Variants in SLC7A5 observed in about 807,000 individuals in gnomAD.
SLC7A5 encodes the protein solute carrier family 7 member 5.
Under a neutral mutation model 50.2 loss-of-function variants are expected in SLC7A5, and 23 were observed. The ratio of observed to expected loss-of-function variants is 0.46; its 90% CI spans 0.33 to 0.65. SLC7A5 has a LOEUF of 0.65. SLC7A5 is among the 30% of genes least tolerant of loss of function. The pLI is 0.02. For synonymous variants in SLC7A5, 393 were observed against 330.6 expected (o/e 1.19, Z -2.05); for missense variants, 578 against 684.4 (o/e 0.84, Z 1.73).
chr16:87,856,432 C>T (rs765908011), intron 1 of SLC7A5, among the ~76,000 whole-genome samples: 11 of 152,230 alleles, frequency 7.2e-5, no homozygotes, highest in Middle Eastern at 3.2e-3. Context: ...CAGGGTGCAC[C>T]GGGCACAGCA....
chr16:87,836,486 C>T lies in SLC7A5; in HGVS notation c.1290+12G>A. 4.4e-6 allele frequency: 7 copies of T among 1,608,128 alleles called. No homozygotes were observed. The highest frequency in any genetic ancestry group is 5.9e-6 in the Non-Finnish European group (7 of 1,179,772). On this transcript the variant is annotated intron_variant, in intron 8 of 9. Coordinates refer to ENST00000261622, the MANE Select transcript of SLC7A5 (RefSeq NM_003486.7). ...GAAGGGTGCCTGGGTGAGCGGGAGGCCCCGGGCTCACCTTGATGGGCCGCT... is the reference window on the plus strand; with the variant it reads ...GAAGGGTGCCTGGGTGAGCGGGAGGTCCCGGGCTCACCTTGATGGGCCGCT...
intron 7 of SLC7A5, chr16:87,837,554 C>A: frequency 2.2e-6 from 1 of 452,426 alleles, no homozygotes; most frequent in South Asian, 2.6e-5. Flanking sequence ...TGGGCGCCCA[C>A]GGAGGTGCAG....
Position 87,869,268 on chromosome 16 carries a change from A to G in SLC7A5, c.155T>C (p.Leu52Pro), listed in dbSNP as rs527857683. ...EGVTLQRNITLLNGVAIIVGT... is the reference protein window; with the variant it reads ...EGVTLQRNITPLNGVAIIVGT... ...CACGATGATGGCCACGCCGTTGAGC[A>G]GCGTGATGTTCCGCTGCAGGGTCAC... The change falls in exon 1 of 10, where the codon CTG becomes CCG. Residue 52 changes from leucine (L) to proline (P), a missense_variant. By Grantham distance (98) the Leu-to-Pro change is moderately conservative. Transcript: ENST00000261622. 1.2e-6 allele frequency: 2 copies of G among 1,612,444 alleles called. No individual in the cohort carries two copies. The highest frequency in any genetic ancestry group is 2.2e-5 in the South Asian group (2 of 91,044).
intron 9 of SLC7A5, among the ~76,000 whole-genome samples, 189 bp downstream of exon 9, chr16:87,834,225 G>A (rs2054967892): frequency 6.6e-6 from 1 of 152,196 alleles, no homozygotes; most frequent in Admixed American, 6.5e-5. Context: ...AGATTAGCTG[G>A]TGCTGCGCTG....
intron 7 of SLC7A5, 38 bp downstream of exon 7, chr16:87,837,807 C>T: frequency 6.5e-7 from 1 of 1,544,424 alleles, no homozygotes; most frequent in Non-Finnish European, 8.8e-7. Flanking sequence ...CGGACAACCC[C>T]CAGGGATGTA....
At chr16:87,839,870 G>A in intron 4 of SLC7A5, 45 bp from the exon 5 acceptor site, 1 of 1,611,792 alleles carries the variant, frequency 6.2e-7, no homozygotes, top group Admixed American at 1.7e-5. Context: ...AGCCCGGGCT[G>A]AAGGCCAAAC....
chr16:87,848,883 G>T (rs1216684467), intron 2 of SLC7A5, among the ~76,000 whole-genome samples: 1 of 146,172 alleles, frequency 6.8e-6, no homozygotes, highest in Non-Finnish European at 1.5e-5. Context: ...CTGGGAAGGG[G>T]TGATTACAAA....
intron 7 of SLC7A5, 40 bp downstream of exon 7, chr16:87,837,805 C>G: frequency 6.5e-7 from 1 of 1,534,222 alleles, no homozygotes; most frequent in Non-Finnish European, 8.9e-7. Flanking sequence ...CCCGGACAAC[C>G]CCCAGGGATG....
intron 1 of SLC7A5, among the ~76,000 whole-genome samples, chr16:87,859,389 G>C (rs557364340): frequency 2.1e-4 from 32 of 152,314 alleles, no homozygotes; most frequent in African/African-American, 7.5e-4. Flanking sequence ...AGCAGCTCGA[G>C]AGCACAGGGA....
chr16:87,846,008 A>G (rs1224788653), intron 2 of SLC7A5, among the ~76,000 whole-genome samples: 1 of 152,206 alleles, frequency 6.6e-6, no homozygotes, highest in African/African-American at 2.4e-5. Flanking sequence ...CCCAGGACAC[A>G]CTGAGCTCCC....
intron 2 of SLC7A5, among the ~76,000 whole-genome samples, chr16:87,848,568 G>A (rs1421755580): frequency 1.3e-5 from 2 of 152,178 alleles, no homozygotes; most frequent in Non-Finnish European, 2.9e-5. Context: ...CCCAGCCTAG[G>A]GGCAGCCATG....
Position 87,832,790 on chromosome 16 carries a change from G to C in SLC7A5, c.*180C>G. 1 of 648,266 alleles carries C rather than the reference G, an allele frequency of 1.5e-6. No homozygotes were observed. Among genetic ancestry groups the C allele is most frequent in the East Asian group, 2.8e-5 (1 of 36,222 alleles). The allele number at this position is 648,266 out of a possible 1,614,324, so 40.2% of individuals were successfully genotyped here. A position where few individuals can be genotyped will look rare whatever the true frequency, so the allele number is the denominator to read the frequency against. ...ACCTGGGTCCCTGGCCCTCAGTTGA[G>C]GGATGAGATTCGTACCAGAGTTTTC... On this transcript the variant is annotated 3_prime_UTR_variant, in exon 10 of 10. Transcript: ENST00000261622. This position sits in a 1 kb window ranked among gnomAD's most constrained non-coding sequence, Gnocchi z 4.6.
chr16:87,840,357 G>A (rs1284792560), intron 4 of SLC7A5, 72 bp downstream of exon 4: 19 of 1,342,380 alleles, frequency 1.4e-5, no homozygotes, highest in African/African-American at 2.9e-5. Context: ...CAGGCTTCGA[G>A]TGGAATGTGG....
In SLC7A5 at chr16:87,845,235, G is replaced by A. The variant is rs558982824; in HGVS notation, c.665-4080C>T. Reference sequence around the variant, plus strand: ...AGGCATGGTCAGGGGCAGGACAGCTGCAGCTCACACCCCACTTCTCAGTCA... The same window carrying A: ...AGGCATGGTCAGGGGCAGGACAGCTACAGCTCACACCCCACTTCTCAGTCA... On this transcript the variant is annotated intron_variant, in intron 2 of 9. Transcript: ENST00000261622. 3.3e-5 allele frequency among the ~76,000 whole-genome samples: 5 copies of A among 152,354 alleles called. No individual in the cohort carries two copies. The South Asian group carries it at 1.0e-3, about 32-fold the overall frequency.
At position 87,852,638 on chromosome 16, in the gene SLC7A5, C is replaced by CTGTGTGTGTGTGTGTGTGTGTG. The variant is rs61164920; in HGVS notation, c.539-811_539-790dup. Among the ~76,000 whole-genome samples, 5 of 116,796 alleles carry CTGTGTGTGTGTGTGTGTGTGTG rather than the reference C, an allele frequency of 4.3e-5. No homozygotes were observed. Among genetic ancestry groups the CTGTGTGTGTGTGTGTGTGTGTG allele is most frequent in the African/African-American group, 1.6e-4 (5 of 30,614 alleles). 76.6% of individuals were successfully genotyped at this position (116,796 alleles called of 152,430 possible). On this transcript the variant is annotated intron_variant, in intron 1 of 9. Transcript: ENST00000261622. This position sits in a 1 kb window ranked among gnomAD's most constrained non-coding sequence, Gnocchi z 4.5. ...CTGTAAGGCACCCAGCTCTGAGCCT[C>CTGTGTGTGTGTGTGTGTGTGTG]TGTGTGTGTGTGTGTGTGTGTGTGT...
chr16:87,860,106 G>A lies in SLC7A5; in HGVS notation c.539-8257C>T, dbSNP rs547461072. Among the ~76,000 whole-genome samples, 38 of 152,128 alleles carry A rather than the reference G, an allele frequency of 2.5e-4. No individual in the cohort carries two copies. In the Middle Eastern group the frequency reaches 0.01, roughly 41 times the overall value. On this transcript the variant is annotated intron_variant, in intron 1 of 9. Transcript: ENST00000261622. The surrounding 1 kb of genome is among the most constrained non-coding windows in gnomAD (Gnocchi z 4.8). ...CCAGCACTTTGGGAAGCCAAGGTGG[G>A]CGGATCACCTGAGATCAAGAGTTCG...
chr16:87,852,670 G>GTGTGTGTC lies in SLC7A5; in HGVS notation c.539-822_539-821insGACACACA. Among the ~76,000 whole-genome samples, 1 of 150,188 alleles carries GTGTGTGTC rather than the reference G, an allele frequency of 6.7e-6. No individual in the cohort carries two copies. Among genetic ancestry groups the GTGTGTGTC allele is most frequent in the South Asian group, 2.1e-4 (1 of 4,762 alleles). The stretch of plus-strand genomic sequence containing the variant: ...TGTGTGTGTGTGTGTGTGTGTGTGT[G>GTGTGTGTC]TGTGTGTGTGTGTGTGTTGGGGGTT... On this transcript the variant is annotated intron_variant, in intron 1 of 9. Coordinates refer to ENST00000261622, the MANE Select transcript of SLC7A5 (RefSeq NM_003486.7). The surrounding 1 kb of genome is among the most constrained non-coding windows in gnomAD (Gnocchi z 4.5).
chr16:87,850,843 T>C (rs2055213082), intron 2 of SLC7A5, among the ~76,000 whole-genome samples: 1 of 152,006 alleles, frequency 6.6e-6, no homozygotes, highest in Non-Finnish European at 1.5e-5. Flanking sequence ...GTGGAAAGGG[T>C]GGAGGCTCTG....
At chr16:87,844,315 A>G (rs2055120602) in intron 2 of SLC7A5, among the ~76,000 whole-genome samples, 1 of 152,242 alleles carries the variant, frequency 6.6e-6, no homozygotes, top group Non-Finnish European at 1.5e-5. Context: ...CAGCCCTGTC[A>G]GCAGGATTCC....
Sources: allele counts gnomAD v4.1 joint callset (sites outside exome capture counted in the v4.1 genomes callset), GRCh38; gene constraint gnomAD v4.1.1; non-coding constraint Gnocchi (gnomAD v3.1); transcripts MANE v1.5; gene names NCBI Gene and HGNC (gene_info 2026-07-23, HGNC 2026-07-21).